Variants in KDM5C observed in about 807,000 individuals in gnomAD.
KDM5C encodes lysine demethylase 5C.
In KDM5C, 16 loss-of-function variants were observed where a neutral mutation model predicts 110.6. The ratio of observed to expected loss-of-function variants is 0.14; its 90% CI spans 0.10 to 0.22. The LOEUF (loss-of-function observed/expected upper bound fraction) is 0.22, where lower values mean the gene tolerates loss of function less well. KDM5C is among the 10% of genes least tolerant of loss of function. KDM5C has a pLI of 1.00. For missense variants in KDM5C, 681 were observed against 1,300.9 expected (o/e 0.52, Z 7.33); for synonymous variants, 511 against 520.4 (o/e 0.98, Z 0.24).
At chrX:53,211,680 A>G in intron 9 of KDM5C, 25 bp from the exon 10 acceptor site, 1 of 1,211,017 alleles carries the variant, frequency 8.3e-7, no homozygotes, top group Admixed American at 2.2e-5. Flanking sequence ...GTAGCAGATG[A>G]CTATGGCCCA....
At chrX:53,224,616 A>G in intron 1 of KDM5C, 124 bp downstream of exon 1, 3 of 894,662 alleles carry the variant, frequency 3.4e-6, no homozygotes, top group Admixed American at 2.7e-5. Context: ...CCGCGCCGCA[A>G]CCACAACGGT....
intron 2 of KDM5C, 33 bp downstream of exon 2, chrX:53,220,806 C>A: frequency 8.7e-7 from 1 of 1,145,266 alleles, no homozygotes. Flanking sequence ...TATACATTCT[C>A]CCAACCCCAC....
intron 14 of KDM5C, 116 bp downstream of exon 14, chrX:53,201,434 T>C: frequency 5.8e-6 from 4 of 683,997 alleles, no homozygotes; most frequent in South Asian, 4.5e-5. Flanking sequence ...TCAATCGAGA[T>C]GCATCTAGTT....
chrX:53,217,843 G>A lies in KDM5C; in HGVS notation c.475C>T (p.Arg159Cys), dbSNP rs1556852786. ...IGSLLRSHYERIVYPYEMYQS... is the reference protein window; with the variant it reads ...IGSLLRSHYECIVYPYEMYQS... ...TACATTTCATAGGGATAAACAATGC[G>A]TTCGTAGTGGGAGCGTAGCAAGGAG... is the stretch of plus-strand genomic sequence containing the variant. The change falls in exon 4 of 26, where the codon CGC becomes TGC. Residue 159 changes from arginine to cysteine, a missense_variant. Transcript: ENST00000375401. 8.3e-7 allele frequency: 1 copy of A among 1,211,525 alleles called. No homozygotes were observed. Among genetic ancestry groups the A allele is most frequent in the Non-Finnish European group, 1.1e-6 (1 of 895,316 alleles).
chrX:53,207,052 C>T (rs139210591), intron 12 of KDM5C, among the ~76,000 whole-genome samples: 1,207 of 105,086 alleles, frequency 0.011, 18 homozygotes, highest in African/African-American at 0.04. Context: ...TGGCTCATGC[C>T]TGTAGTCCTA....
chrX:53,217,607 T>C (rs2073783635), intron 4 of KDM5C, among the ~76,000 whole-genome samples, 189 bp downstream of exon 4: 1 of 111,978 alleles, frequency 8.9e-6, no homozygotes, highest in Admixed American at 9.5e-5. Context: ...ACATAACAAA[T>C]AAGCTAGCCG....
At chrX:53,199,631 T>C (rs782730470) in intron 14 of KDM5C, among the ~76,000 whole-genome samples, 9 of 111,757 alleles carry the variant, frequency 8.1e-5, no homozygotes, top group Non-Finnish European at 1.5e-4. Flanking sequence ...ATATATAACT[T>C]AGAGAAATTC....
At chrX:53,209,101 G>C (rs2073478903) in intron 12 of KDM5C, among the ~76,000 whole-genome samples, 1 of 111,099 alleles carries the variant, frequency 9.0e-6, no homozygotes, top group African/African-American at 3.3e-5. Context: ...ACAGGCGTGA[G>C]CCACCGTGCC....
intron 2 of KDM5C, among the ~76,000 whole-genome samples, chrX:53,219,483 G>C (rs782156155): frequency 8.9e-6 from 1 of 112,215 alleles, no homozygotes; most frequent in East Asian, 2.8e-4. Context: ...AAGGAGACTA[G>C]AAACAAGATA....
chrX:53,181,354 T>C (rs1934042225), intron 25 of KDM5C, among the ~76,000 whole-genome samples: 1 of 110,220 alleles, frequency 9.1e-6, no homozygotes, highest in African/African-American at 3.3e-5. Flanking sequence ...AACATCAGGA[T>C]TGATTTGGAT....
chrX:53,217,886 T>C lies in KDM5C; in HGVS notation c.432A>G (p.Pro144=). 1 of 1,211,216 alleles carries C rather than the reference T, an allele frequency of 8.3e-7. No homozygotes were observed. The highest frequency in any genetic ancestry group is 1.1e-6 in the Non-Finnish European group (1 of 894,938). The change falls in exon 4 of 26, where the codon CCA becomes CCG. Residue 144 remains proline (P), a synonymous_variant. Transcript: ENST00000375401. ...WARVAQRLNY[P]PGKNIGSLLR... is the part of the protein sequence containing the mutation. ...GCAAGGAGCCAATATTTTTGCCTGG[T>C]GGATAGTTGAGGCGCTGGGCTACCC...
intron 18 of KDM5C, 151 bp downstream of exon 18, chrX:53,197,620 A>T (rs2072995810): frequency 2.0e-6 from 1 of 505,326 alleles, no homozygotes; most frequent in East Asian, 3.7e-5. Context: ...AAGTCACTAG[A>T]CCCTTGCCTC....
chrX:53,199,670 A>C (rs1399934519), intron 14 of KDM5C, among the ~76,000 whole-genome samples: 1 of 112,039 alleles, frequency 8.9e-6, no homozygotes, highest in Non-Finnish European at 1.9e-5. Flanking sequence ...TCAGGGTTTA[A>C]AGAGATATAA....
At chrX:53,214,927 G>C (rs2073697757) in intron 7 of KDM5C, 80 bp from the exon 8 acceptor site, 4 of 1,047,484 alleles carry the variant, frequency 3.8e-6, no homozygotes, top group East Asian at 6.2e-5. Context: ...CCCTGTATAG[G>C]CTAGTCATGC....
In KDM5C at chrX:53,193,799, G is replaced by A. The variant is rs782202835; in HGVS notation, c.4091C>T (p.Ala1364Val). The stretch of plus-strand genomic sequence containing the variant: ...TCTCTTACCTGAGCCCTCCTCCGGG[G>A]CTACCTTCTCAGGACTGGTCACACT... ...GDSVTSPEKV[A>V]PEEGSGKRDL... The change falls in exon 24 of 26, where the codon GCC becomes GTC. Residue 1364 changes from alanine (A) to valine (V), a missense_variant. By Grantham distance (64) the Ala-to-Val change is moderately conservative (BLOSUM62 0). Transcript: ENST00000375401. The A allele has an allele frequency of 8.3e-7, 1 of 1,211,114 alleles. No homozygotes were observed. Among genetic ancestry groups the A allele is most frequent in the South Asian group, 1.8e-5 (1 of 56,970 alleles).
chrX:53,223,749 G>A (rs2073956184), intron 1 of KDM5C, among the ~76,000 whole-genome samples: 1 of 111,491 alleles, frequency 9.0e-6, no homozygotes, highest in Non-Finnish European at 1.9e-5. Flanking sequence ...TTCCAAAAGG[G>A]ACAGAATTCC....
chrX:53,208,560 C>CAATG lies in KDM5C; in HGVS notation c.1746+1850_1746+1853dup, dbSNP rs1475266184. ...TCCACCTGTTGCCCAGGCTGGAATG[C>CAATG]AATGGCACGATCTCGGCTCACTGCA... On this transcript the variant is annotated intron_variant, in intron 12 of 25. Coordinates refer to ENST00000375401, the MANE Select transcript of KDM5C (RefSeq NM_004187.5). 6.5e-4 allele frequency among the ~76,000 whole-genome samples: 56 copies of CAATG among 86,217 alleles called. 1 individual carries two copies. Among genetic ancestry groups the CAATG allele is most frequent in the Middle Eastern group, 0.011 (1 of 94 alleles). The allele number at this position is 86,217 out of a possible 115,157, so 74.9% of individuals were successfully genotyped here. A position where few individuals can be genotyped will look rare whatever the true frequency, so the allele number is the denominator to read the frequency against.
rs782127097 is a variant in KDM5C, at chrX:53,220,627, C to A, written c.228+212G>T. Among the ~76,000 whole-genome samples, 175 of 112,464 alleles carry A rather than the reference C, an allele frequency of 1.6e-3. 2 individuals are homozygous for A. The Admixed American group carries it at 0.016, about 10-fold the overall frequency. ...GTCCCCAGCCTTTGGGCTATCAAAT[C>A]ACAAATGCTAAATGCCCCTGGCTCT... On this transcript the variant is annotated intron_variant, in intron 2 of 25. Transcript: ENST00000375401.
chrX:53,224,260 T>G (rs1262800319), intron 1 of KDM5C, among the ~76,000 whole-genome samples: 1 of 112,119 alleles, frequency 8.9e-6, no homozygotes, highest in Admixed American at 9.4e-5. Context: ...ACTTCTACTT[T>G]CCCAAGGTCA....
Sources: allele counts gnomAD v4.1 joint callset (sites outside exome capture counted in the v4.1 genomes callset), GRCh38; gene constraint gnomAD v4.1.1; transcripts MANE v1.5; gene names NCBI Gene and HGNC (gene_info 2026-07-23, HGNC 2026-07-21).